Variants in ABHD2 observed in about 807,000 individuals in gnomAD.
ABHD2 encodes the protein monoacylglycerol lipase ABHD2.
In ABHD2, 20 loss-of-function variants were observed where a neutral mutation model predicts 48.1. The ratio of observed to expected loss-of-function variants is 0.42; its 90% confidence interval spans 0.29 to 0.60. The LOEUF is 0.60. Among genes scored for constraint, ABHD2 ranks in the 20% least tolerant of loss-of-function variants. The pLI is 0.24. For synonymous variants in ABHD2, 209 were observed against 214.2 expected, an observed-to-expected ratio of 0.98 and a Z score of 0.21; for missense variants, 405 against 550.9, an observed-to-expected ratio of 0.74 and a Z score of 2.65.
At position 89,182,662 on chromosome 15, in the gene ABHD2, A is replaced by C. The variant is rs993370372; in HGVS notation, c.723-2762A>C. Among the ~76,000 whole-genome samples, 2 of 152,176 alleles carry C rather than the reference A, an allele frequency of 1.3e-5. No homozygotes were observed. The highest frequency in any genetic ancestry group is 2.1e-4 in the South Asian group (1 of 4,826). ...CAAAAAATTATCTGGGCATGATGGC[A>C]CACACCTGTAGTCCCAGCTACTCGG... On this transcript the variant is annotated intron_variant, in intron 6 of 10. Transcript: ENST00000352732. The surrounding 1 kb of genome is among the most constrained non-coding windows in gnomAD (Gnocchi z 4.8).
chr15:89,124,435 A>T (rs187019888), intron 3 of ABHD2, among the ~76,000 whole-genome samples: 1,575 of 152,334 alleles, frequency 0.01, 14 homozygotes, highest in Middle Eastern at 0.027. Flanking sequence ...TAGGTAAAAA[A>T]AATTCTGGAA....
chr15:89,074,666 C>T, the ABHD2 span, among the ~76,000 whole-genome samples: 69 of 152,292 alleles, frequency 4.5e-4, no homozygotes, highest in African/African-American at 1.6e-3. Flanking sequence ...CCTTCCCTTC[C>T]ATCTTAGAGG....
At chr15:89,113,971 A>G (rs1017251124) in intron 2 of ABHD2, 147 bp downstream of exon 2, 8 of 152,212 alleles carry the variant, frequency 5.3e-5, no homozygotes, top group African/African-American at 1.9e-4. Flanking sequence ...TACTTGCTGC[A>G]TTACCCTGTT....
At chr15:89,080,628 C>T in the ABHD2 span, among the ~76,000 whole-genome samples, 4 of 151,650 alleles carry the variant, frequency 2.6e-5, no homozygotes, top group Non-Finnish European at 5.9e-5. Flanking sequence ...TGGAGGCTAA[C>T]GGCTGTATGT....
chr15:89,052,660 G>A, the ABHD2 span, among the ~76,000 whole-genome samples: 3 of 151,992 alleles, frequency 2.0e-5, no homozygotes, highest in East Asian at 5.8e-4. Flanking sequence ...GAGCTCGAAA[G>A]ATTGCCTGCA....
chr15:89,167,009 A>G lies in ABHD2; in HGVS notation c.539-8803A>G, dbSNP rs750374963. On this transcript the variant is annotated intron_variant, in intron 5 of 10. Transcript: ENST00000352732. The surrounding 1 kb of genome is among the most constrained non-coding windows in gnomAD (Gnocchi z 5.5). ...GTTATAATAATTCATAACTTTATTA[A>G]TAACTGCATCAGAACAATACATTCC... 1.6e-4 allele frequency among the ~76,000 whole-genome samples: 24 copies of G among 152,232 alleles called. No homozygotes were observed. The highest frequency in any genetic ancestry group is 5.2e-4 in the Admixed American group (8 of 15,290).
intron 1 of ABHD2, among the ~76,000 whole-genome samples, chr15:89,089,458 GTTTA>G (rs1901505039): frequency 6.6e-6 from 1 of 152,218 alleles, no homozygotes; most frequent in Admixed American, 6.5e-5. Flanking sequence ...AAAGATAGAG[GTTTA>G]TTTAGCCACT....
At chr15:89,084,908 G>T (rs886969660), upstream of ABHD2, among the ~76,000 whole-genome samples, 2 of 152,136 alleles carry the variant, frequency 1.3e-5, no homozygotes, top group Non-Finnish European at 2.9e-5. The surrounding 1 kb of genome is among the most constrained non-coding windows in gnomAD (Gnocchi z 4.4). Flanking sequence ...CTCGCCCAAG[G>T]TCACAAGGCT....
chr15:89,083,583 C>T (rs1288684566), upstream of ABHD2, among the ~76,000 whole-genome samples: 1 of 152,074 alleles, frequency 6.6e-6, no homozygotes, highest in Admixed American at 6.6e-5. The surrounding 1 kb of genome is among the most constrained non-coding windows in gnomAD (Gnocchi z 5.1). Flanking sequence ...ATTTATCAAC[C>T]AAATTGGGAC....
intron 1 of ABHD2, among the ~76,000 whole-genome samples, chr15:89,110,998 A>G (rs1262307741): frequency 1.3e-5 from 2 of 152,170 alleles, no homozygotes; most frequent in Admixed American, 6.5e-5. Context: ...AGAGCACAAT[A>G]TATGTTAGCT....
In ABHD2 at chr15:89,151,608, G is replaced by A; in HGVS notation, c.195-69G>A. 6.6e-7 allele frequency: 1 copy of A among 1,522,650 alleles called. No individual in the cohort carries two copies. Among genetic ancestry groups the A allele is most frequent in the South Asian group, 1.3e-5 (1 of 78,928 alleles). 94.3% of individuals were successfully genotyped at this position (1,522,650 alleles called of 1,614,324 possible). ...AACAAAAATAGGTTGAAAGAGTTTT[G>A]CTAAAAGATTTTTCAGAACGTTGCT... On this transcript the variant is annotated intron_variant, in intron 3 of 10. Coordinates refer to ENST00000352732, the MANE Select transcript of ABHD2 (RefSeq NM_152924.5). The surrounding 1 kb of genome is among the most constrained non-coding windows in gnomAD (Gnocchi z 4.7).
At chr15:89,074,354 G>A in the ABHD2 span, among the ~76,000 whole-genome samples, 2 of 151,784 alleles carry the variant, frequency 1.3e-5, no homozygotes, top group Admixed American at 6.6e-5. Context: ...CAGCCTGGGG[G>A]GCAAGAGCGA....
intron 3 of ABHD2, among the ~76,000 whole-genome samples, chr15:89,132,979 C>T (rs1397526288): frequency 1.3e-5 from 2 of 152,222 alleles, no homozygotes; most frequent in African/African-American, 2.4e-5. Context: ...CTTCTATCAG[C>T]TTTTTGTAAC....
intron 3 of ABHD2, among the ~76,000 whole-genome samples, chr15:89,142,531 C>T (rs937945890): frequency 1.3e-5 from 2 of 152,190 alleles, no homozygotes; most frequent in African/African-American, 4.8e-5. Flanking sequence ...GCATGTATCT[C>T]GTTCTTGCAG....
At chr15:89,105,939 C>T (rs932100735) in intron 1 of ABHD2, among the ~76,000 whole-genome samples, 1 of 151,964 alleles carries the variant, frequency 6.6e-6, no homozygotes, top group Non-Finnish European at 1.5e-5. Context: ...TGGGCTCAAG[C>T]AATCCACCCT....
At position 89,196,608 on chromosome 15, in the gene ABHD2, AGTT is replaced by A. The variant is rs886863275; in HGVS notation, c.*1189_*1191del. 6.6e-6 allele frequency: 1 copy of A among 151,650 alleles called. No individual in the cohort carries two copies. The highest frequency in any genetic ancestry group is 2.4e-5 in the African/African-American group (1 of 41,284). The allele number at this position is 151,650 out of a possible 1,614,324, so 9.4% of individuals were successfully genotyped here. A position where few individuals can be genotyped will look rare whatever the true frequency, so the allele number is the denominator to read the frequency against. On this transcript the variant is annotated 3_prime_UTR_variant, in exon 11 of 11. Coordinates refer to ENST00000352732, the MANE Select transcript of ABHD2 (RefSeq NM_152924.5). Reference sequence around the variant, plus strand: ...CCTTATTTGATAAAAAGATGTTTTGAGTTGTTTTTTTTTTAAGCACTCACTTGT... The same window carrying A: ...CCTTATTTGATAAAAAGATGTTTTGAGTTTTTTTTTTAAGCACTCACTTGT...
the ABHD2 span, among the ~76,000 whole-genome samples, chr15:89,050,885 T>A: frequency 6.6e-6 from 1 of 151,968 alleles, no homozygotes; most frequent in Non-Finnish European, 1.5e-5. Flanking sequence ...GAGAATGATC[T>A]ACTGAGCATC....
the ABHD2 span, among the ~76,000 whole-genome samples, chr15:89,042,586 TCTTA>T: frequency 1.5e-5 from 2 of 130,862 alleles, no homozygotes; most frequent in East Asian, 2.2e-4. Flanking sequence ...TTTCTTTCTT[TCTTA>T]TTTATTTATT....
chr15:89,118,085 G>A (rs2049989997), intron 3 of ABHD2, among the ~76,000 whole-genome samples: 1 of 152,188 alleles, frequency 6.6e-6, no homozygotes, highest in Non-Finnish European at 1.5e-5. Context: ...CTTATATGCA[G>A]TGTTTGCAGT....
Sources: gnomAD v4.1 joint callset for allele counts (sites outside exome capture counted in the v4.1 genomes callset) on GRCh38, gnomAD v4.1.1 for gene constraint, Gnocchi (gnomAD v3.1) non-coding constraint, MANE v1.5 for transcripts, NCBI Gene and HGNC (gene_info 2026-07-23, HGNC 2026-07-21) for gene names.